DPP10: variants seen among roughly 807,000 people sequenced by gnomAD.
DPP10 encodes the protein dipeptidyl peptidase like 10, also known as inactive dipeptidyl peptidase 10.
Under a neutral mutation model 120.9 loss-of-function variants are expected in DPP10, and 33 were observed. The observed-to-expected ratio is 0.27, with a 90% confidence interval of 0.21 to 0.37. The LOEUF is 0.37. Ranked by LOEUF, DPP10 falls within the 10% of genes least tolerant of loss-of-function variation. The pLI, the probability that DPP10 is intolerant of heterozygous loss-of-function variation, is 1.00. For synonymous variants in DPP10, 337 were observed against 326.1 expected (o/e 1.03, Z -0.36); for missense variants, 816 against 942.8 (o/e 0.87, Z 1.76).
chr2:115,681,560 C>T (rs1287018821), intron 5 of DPP10, among the ~76,000 whole-genome samples: 1 of 151,766 alleles, frequency 6.6e-6, no homozygotes, highest in Non-Finnish European at 1.5e-5. Flanking sequence ...GGCTTAGCCT[C>T]AGGTAATAAC....
At chr2:115,118,828 T>C (rs1422562655) in intron 1 of DPP10, among the ~76,000 whole-genome samples, 1 of 151,666 alleles carries the variant, frequency 6.6e-6, no homozygotes, top group Non-Finnish European at 1.5e-5. Context: ...TTGGCCAGGC[T>C]GGTCACAAAC....
chr2:114,497,332 CATGTACATATACAT>C (rs1682721692), intron 1 of DPP10, among the ~76,000 whole-genome samples: 2 of 21,872 alleles, frequency 9.1e-5, no homozygotes, highest in African/African-American at 2.4e-4. Flanking sequence ...TACGTGTATA[CATGTACATATACAT>C]ACACATGTAC....
intron 1 of DPP10, among the ~76,000 whole-genome samples, chr2:115,274,365 A>G (rs2059822927): frequency 6.6e-6 from 1 of 152,162 alleles, no homozygotes; most frequent in Non-Finnish European, 1.5e-5. Flanking sequence ...TAAAACTATT[A>G]CATTGCCATC....
chr2:115,583,693 A>G (rs896192019), intron 5 of DPP10, among the ~76,000 whole-genome samples: 2 of 152,228 alleles, frequency 1.3e-5, no homozygotes, highest in Non-Finnish European at 2.9e-5. Flanking sequence ...AAATAGTCAC[A>G]TGCCTGTTCA....
chr2:114,703,047 T>C (rs1700479813), intron 1 of DPP10, among the ~76,000 whole-genome samples: 2 of 152,080 alleles, frequency 1.3e-5, no homozygotes, highest in Admixed American at 1.3e-4. Context: ...GAGATGATCT[T>C]CTCCTGGAGG....
chr2:115,009,968 T>C (rs565606248), intron 1 of DPP10, among the ~76,000 whole-genome samples: 10 of 152,286 alleles, frequency 6.6e-5, no homozygotes, highest in Admixed American at 1.3e-4. Context: ...ACTTACTAGT[T>C]CCTTTTCAGT....
chr2:115,024,494 G>T (rs542427105), intron 1 of DPP10, among the ~76,000 whole-genome samples: 1 of 151,264 alleles, frequency 6.6e-6, no homozygotes, highest in African/African-American at 2.4e-5. Context: ...TATAGTACAC[G>T]TACATATTTT....
intron 1 of DPP10, among the ~76,000 whole-genome samples, chr2:115,304,424 G>A (rs1049838065): frequency 1.3e-5 from 2 of 152,004 alleles, no homozygotes; most frequent in Non-Finnish European, 2.9e-5. Flanking sequence ...TTTTCACACG[G>A]AAATACAGAT....
At chr2:115,045,140 G>T (rs182417868) in intron 1 of DPP10, among the ~76,000 whole-genome samples, 1 of 152,274 alleles carries the variant, frequency 6.6e-6, no homozygotes, top group East Asian at 1.9e-4. Flanking sequence ...ACCGAGCAAT[G>T]GGATTGCTGG....
intron 1 of DPP10, chr2:114,833,971 C>T (rs1369606649): frequency 6.6e-6 from 1 of 151,886 alleles, no homozygotes; most frequent in Admixed American, 6.6e-5. Flanking sequence ...TTGAGTTTTG[C>T]AGAACTGTTG....
intron 1 of DPP10, among the ~76,000 whole-genome samples, chr2:114,665,047 G>T (rs1378591267): frequency 6.6e-6 from 1 of 151,866 alleles, no homozygotes; most frequent in African/African-American, 2.4e-5. Context: ...GATGGTATGG[G>T]GGTTGCTGAG....
Position 114,991,514 on chromosome 2 carries a change from A to G in DPP10, c.61-317725A>G, listed in dbSNP as rs181858375. 2.0e-5 allele frequency among the ~76,000 whole-genome samples: 3 copies of G among 152,338 alleles called. No homozygotes were observed. In the East Asian group the frequency reaches 5.8e-4, roughly 29 times the overall value. On this transcript the variant is annotated intron_variant, in intron 1 of 25. Coordinates refer to ENST00000410059, the MANE Select transcript of DPP10 (RefSeq NM_020868.6). Reference sequence around the variant, plus strand: ...AAAGACTAGAAATTTCTCCCACAACATGATACAATAGATTTCTATTTTACT... The same window carrying G: ...AAAGACTAGAAATTTCTCCCACAACGTGATACAATAGATTTCTATTTTACT...
At chr2:114,532,117 C>T (rs1686040711) in intron 1 of DPP10, among the ~76,000 whole-genome samples, 1 of 151,420 alleles carries the variant, frequency 6.6e-6, no homozygotes, top group Non-Finnish European at 1.5e-5. Context: ...TATATGCCAT[C>T]ATTTCTCTCA....
chr2:114,788,283 G>A (rs181535272), intron 1 of DPP10, among the ~76,000 whole-genome samples: 26 of 151,922 alleles, frequency 1.7e-4, no homozygotes, highest in South Asian at 4.2e-4. Flanking sequence ...TTTTAATATC[G>A]AGAAATGCCA....
intron 1 of DPP10, among the ~76,000 whole-genome samples, chr2:114,567,116 G>A (rs542547817): frequency 1.1e-4 from 16 of 152,170 alleles, no homozygotes; most frequent in Admixed American, 7.9e-4. Context: ...AGGTGTTAAC[G>A]GCTGAGATCA....
At chr2:115,565,421 A>G (rs1396328593) in intron 5 of DPP10, among the ~76,000 whole-genome samples, 1 of 152,168 alleles carries the variant, frequency 6.6e-6, no homozygotes, top group East Asian at 1.9e-4. Context: ...TTATTTATCA[A>G]TGGCATTCAC....
intron 1 of DPP10, among the ~76,000 whole-genome samples, chr2:114,969,681 T>C (rs988557775): frequency 5.9e-5 from 9 of 152,088 alleles, no homozygotes; most frequent in African/African-American, 1.9e-4. Context: ...TTCTGGTGAA[T>C]GCAATGTGAA....
At position 114,724,949 on chromosome 2, in the gene DPP10, C is replaced by G. The variant is rs544156861; in HGVS notation, c.60+282111C>G. On this transcript the variant is annotated intron_variant, in intron 1 of 25. Transcript: ENST00000410059. ...TATGCCAGCTGAGCTCTGAATTCTG[C>G]GCCCATAGATAATATTTATTTTCTT... Among the ~76,000 whole-genome samples the G allele has an allele frequency of 1.3e-3, 201 of 152,212 alleles. 1 individual carries two copies. Among genetic ancestry groups the G allele is most frequent in the African/African-American group, 4.7e-3 (195 of 41,526 alleles).
intron 1 of DPP10, among the ~76,000 whole-genome samples, chr2:114,636,128 A>G: frequency 6.6e-6 from 1 of 152,002 alleles, no homozygotes; most frequent in Non-Finnish European, 1.5e-5. Flanking sequence ...TTCTTTCAAT[A>G]AAAATCATGT....
Sources: allele counts gnomAD v4.1 joint callset (sites outside exome capture counted in the v4.1 genomes callset), GRCh38; gene constraint gnomAD v4.1.1; transcripts MANE v1.5; gene names NCBI Gene and HGNC (gene_info 2026-07-23, HGNC 2026-07-21).